PPM1E: variants seen among roughly 807,000 people sequenced by gnomAD.
PPM1E encodes protein phosphatase, Mg2+/Mn2+ dependent 1E.
In PPM1E, 20 loss-of-function variants were observed where a neutral mutation model predicts 65.9. The observed-to-expected ratio is 0.30, with a 90% CI of 0.21 to 0.44. The LOEUF is 0.44. Ranked by LOEUF, PPM1E falls within the 20% of genes least tolerant of loss-of-function variation. The pLI is 1.00. For synonymous variants in PPM1E, 352 were observed against 374.9 expected (o/e 0.94, Z 0.70); for missense variants, 713 against 953.1 (o/e 0.75, Z 3.32).
rs544971613 is a variant in PPM1E at position 58,928,033 on chromosome 17, C to A, written c.465-27616C>A. Among the ~76,000 whole-genome samples the A allele has an allele frequency of 6.3e-4, 96 of 151,652 alleles. 1 individual carries two copies. The highest frequency in any genetic ancestry group is 2.2e-3 in the African/African-American group (91 of 41,308). On this transcript the variant is annotated intron_variant, in intron 1 of 6. Transcript: ENST00000308249. ...CAGGATCACACCACTGCACTCCAGC[C>A]TGGGCAACAGAGCAAGACTCCATCT...
intron 1 of PPM1E, among the ~76,000 whole-genome samples, chr17:58,769,337 A>G (rs1291625429): frequency 6.6e-6 from 1 of 152,138 alleles, no homozygotes; most frequent in Non-Finnish European, 1.5e-5. Flanking sequence ...GCTCCCGCCT[A>G]TAATTCCAGC....
chr17:58,973,769 G>A (rs1339639150), intron 6 of PPM1E, among the ~76,000 whole-genome samples: 1 of 151,942 alleles, frequency 6.6e-6, no homozygotes, highest in Non-Finnish European at 1.5e-5. Flanking sequence ...TGGCTAACAC[G>A]ATGAATCCCC....
At position 58,980,887 on chromosome 17, in the gene PPM1E, T is replaced by G; in HGVS notation, c.2124T>G (p.Thr708=). Residue 708 remains threonine (T), a synonymous_variant, in exon 7 of 7, where the codon ACT becomes ACG. Coordinates refer to ENST00000308249, the MANE Select transcript of PPM1E (RefSeq NM_014906.5). The surrounding 1 kb of genome is among the most constrained non-coding windows in gnomAD (Gnocchi z 4.7). ...TAGGCACTAGCCTGTCCTCACTTAC[T>G]GGAAGTGGGAAGAGAAATAGGATAA... ...HKIGTSLSSL[T]GSGKRNRIRS... is the part of the protein sequence containing the mutation. The G allele has an allele frequency of 1.9e-6, 3 of 1,614,144 alleles. No homozygotes were observed. The highest frequency in any genetic ancestry group is 2.5e-6 in the Non-Finnish European group (3 of 1,180,002).
At chr17:58,770,571 TATAAA>T (rs2049927637) in intron 1 of PPM1E, among the ~76,000 whole-genome samples, 2 of 152,094 alleles carry the variant, frequency 1.3e-5, no homozygotes, top group South Asian at 4.1e-4. Flanking sequence ...GATTATCAAA[TATAAA>T]ATAAAAGCGT....
At chr17:58,853,738 T>A (rs984104796) in intron 1 of PPM1E, among the ~76,000 whole-genome samples, 23 of 151,914 alleles carry the variant, frequency 1.5e-4, no homozygotes, top group African/African-American at 5.3e-4. Context: ...GACTGAGGCA[T>A]GAGAATCGCT....
intron 1 of PPM1E, among the ~76,000 whole-genome samples, chr17:58,830,446 T>C (rs1482393056): frequency 6.6e-6 from 1 of 151,864 alleles, no homozygotes; most frequent in African/African-American, 2.4e-5. Context: ...TAGCTGGGAC[T>C]ACAGGCACCC....
chr17:58,936,391 A>G (rs1812517996), intron 1 of PPM1E, among the ~76,000 whole-genome samples: 1 of 152,186 alleles, frequency 6.6e-6, no homozygotes, highest in South Asian at 2.1e-4. Flanking sequence ...AGTAGATAGC[A>G]TCATCATAAT....
chr17:58,851,180 T>C (rs2050822480), intron 1 of PPM1E, among the ~76,000 whole-genome samples: 1 of 152,174 alleles, frequency 6.6e-6, no homozygotes, highest in African/African-American at 2.4e-5. Context: ...GTTCATCTAA[T>C]CTTTTTTCAA....
At chr17:58,969,463 A>C (rs1208408072) in intron 3 of PPM1E, 76 bp from the exon 4 acceptor site, 1 of 1,415,914 alleles carries the variant, frequency 7.1e-7, no homozygotes, top group Admixed American at 1.7e-5. Flanking sequence ...GATGGGCAAC[A>C]ATGATGCCAG....
intron 3 of PPM1E, chr17:58,966,382 A>G (rs2030244999): frequency 1.2e-5 from 4 of 345,672 alleles, no homozygotes; most frequent in African/African-American, 2.3e-5. Flanking sequence ...AAGAAAAAAC[A>G]ATTAAAAAAA....
chr17:58,858,755 A>G (rs1284232122), intron 1 of PPM1E, among the ~76,000 whole-genome samples: 1 of 152,180 alleles, frequency 6.6e-6, no homozygotes, highest in Admixed American at 6.5e-5. Flanking sequence ...ATGTATTTCC[A>G]TATGTTGGCT....
chr17:58,829,099 A>G (rs566129814), intron 1 of PPM1E, among the ~76,000 whole-genome samples: 7 of 151,682 alleles, frequency 4.6e-5, no homozygotes, highest in East Asian at 2.0e-4. Context: ...CTGGAGTGCA[A>G]TGGCGCAATC....
chr17:58,761,924 T>C (rs2049825177), intron 1 of PPM1E, among the ~76,000 whole-genome samples: 1 of 152,228 alleles, frequency 6.6e-6, no homozygotes, highest in Non-Finnish European at 1.5e-5. Flanking sequence ...TATTTGTGTA[T>C]AACATACGAA....
In PPM1E at chr17:58,865,779, T is replaced by G. The variant is rs534627422; in HGVS notation, c.465-89870T>G. On this transcript the variant is annotated intron_variant, in intron 1 of 6. Coordinates refer to ENST00000308249, the MANE Select transcript of PPM1E (RefSeq NM_014906.5). The stretch of plus-strand genomic sequence containing the variant: ...TCCCCTTTTTAGACTATCAGTCTCT[T>G]GATTAGCTATTCTATTGTGGTAAAT... Among the ~76,000 whole-genome samples, 7 of 152,366 alleles carry G rather than the reference T, an allele frequency of 4.6e-5. No homozygotes were observed. In the South Asian group the frequency reaches 1.5e-3, roughly 32 times the overall value.
intron 1 of PPM1E, among the ~76,000 whole-genome samples, chr17:58,852,417 G>C (rs2050836225): frequency 1.3e-5 from 2 of 152,084 alleles, no homozygotes; most frequent in African/African-American, 4.8e-5. Context: ...ATTTTCAACA[G>C]TGCACAGGGT....
chr17:58,827,527 G>T (rs1352314174), intron 1 of PPM1E, among the ~76,000 whole-genome samples: 1 of 152,088 alleles, frequency 6.6e-6, no homozygotes, highest in Non-Finnish European at 1.5e-5. Flanking sequence ...AATCTTTTAA[G>T]CCATTTGAAT....
intron 1 of PPM1E, among the ~76,000 whole-genome samples, chr17:58,825,766 C>T (rs1375007335): frequency 6.6e-6 from 1 of 151,480 alleles, no homozygotes; most frequent in Non-Finnish European, 1.5e-5. Context: ...GACTTGGTTT[C>T]ACCATGTTGG....
At chr17:58,879,443 A>C (rs2051164995) in intron 1 of PPM1E, among the ~76,000 whole-genome samples, 1 of 149,978 alleles carries the variant, frequency 6.7e-6, no homozygotes, top group South Asian at 2.1e-4. Flanking sequence ...TTCACCATGA[A>C]GTTAAAACCT....
intron 1 of PPM1E, among the ~76,000 whole-genome samples, chr17:58,910,973 C>G (rs1211743011): frequency 6.6e-6 from 1 of 152,128 alleles, no homozygotes; most frequent in African/African-American, 2.4e-5. Flanking sequence ...ACTGTGATGA[C>G]CTGGTAGAGC....
Sources: gnomAD v4.1 joint callset for allele counts (sites outside exome capture counted in the v4.1 genomes callset) on GRCh38, gnomAD v4.1.1 for gene constraint, Gnocchi (gnomAD v3.1) non-coding constraint, MANE v1.5 for transcripts, NCBI Gene and HGNC (gene_info 2026-07-23, HGNC 2026-07-21) for gene names.